The following UBE2D1 variants were observed in gnomAD, a reference collection of about 807,000 sequenced individuals.
UBE2D1 encodes ubiquitin-conjugating enzyme E2 D1.
UBE2D1 carries 9 observed loss-of-function variants against 24.6 expected under a neutral mutation model. That is an observed-to-expected ratio of 0.37 (90% CI 0.22 to 0.64). UBE2D1 has a LOEUF of 0.64. Ranked by LOEUF, UBE2D1 falls within the 30% of genes least tolerant of loss-of-function variation. UBE2D1 has a pLI of 0.64. For synonymous variants in UBE2D1, 57 were observed against 57.6 expected (o/e 0.99, Z 0.04); for missense variants, 87 against 177.1 (o/e 0.49, Z 2.89).
intron 1 of UBE2D1, among the ~76,000 whole-genome samples, chr10:58,347,760 G>C (rs1840032872): frequency 6.7e-6 from 1 of 148,492 alleles, no homozygotes; most frequent in African/African-American, 2.5e-5. Context: ...CGATTCTTCT[G>C]CCTCAGCCTC....
intron 5 of UBE2D1, among the ~76,000 whole-genome samples, chr10:58,365,690 G>A (rs557771377): frequency 9.2e-5 from 14 of 152,226 alleles, no homozygotes; most frequent in African/African-American, 3.1e-4. Flanking sequence ...TTTATGTCTT[G>A]TTTCTCTGAA....
chr10:58,349,399 T>C (rs895061335), intron 1 of UBE2D1, among the ~76,000 whole-genome samples: 5 of 152,186 alleles, frequency 3.3e-5, no homozygotes, highest in African/African-American at 9.7e-5. Flanking sequence ...AGCTTATTTT[T>C]GTCTCAAAGG....
At chr10:58,352,045 GA>G (rs892812903) in intron 1 of UBE2D1, among the ~76,000 whole-genome samples, 1 of 151,476 alleles carries the variant, frequency 6.6e-6, no homozygotes, top group Non-Finnish European at 1.5e-5. Flanking sequence ...ACCATCTATT[GA>G]AAAAAAACTT....
At chr10:58,344,926 A>G (rs897572637) in intron 1 of UBE2D1, among the ~76,000 whole-genome samples, 2 of 150,728 alleles carry the variant, frequency 1.3e-5, no homozygotes, top group Non-Finnish European at 2.9e-5. Context: ...CTGCAGTGGC[A>G]TGATCTCAGC....
intron 1 of UBE2D1, among the ~76,000 whole-genome samples, chr10:58,351,379 A>G (rs1377311092): frequency 2.6e-5 from 4 of 152,144 alleles, no homozygotes; most frequent in African/African-American, 4.8e-5. Context: ...TCCTTGTTCT[A>G]TAAGCTTCTA....
chr10:58,350,868 A>G lies in UBE2D1; in HGVS notation c.25-10470A>G, dbSNP rs1048623265. ...ACAAACCTAGATGGTACAGCCTACT[A>G]TACATCTAGGCTATATAGTGTAGTC... On this transcript the variant is annotated intron_variant, in intron 1 of 6. Coordinates refer to ENST00000373910, the MANE Select transcript of UBE2D1 (RefSeq NM_003338.5). Among the ~76,000 whole-genome samples, 3 of 152,318 alleles carry G rather than the reference A, an allele frequency of 2.0e-5. No individual in the cohort carries two copies. In the South Asian group the frequency reaches 6.2e-4, roughly 32 times the overall value.
chr10:58,347,805 G>A (rs1294307965), intron 1 of UBE2D1, among the ~76,000 whole-genome samples: 1 of 151,952 alleles, frequency 6.6e-6, no homozygotes, highest in Non-Finnish European at 1.5e-5. Context: ...GTGCCACCAA[G>A]CCTGGCTAAT....
At chr10:58,345,928 T>C (rs919493579) in intron 1 of UBE2D1, among the ~76,000 whole-genome samples, 11 of 152,102 alleles carry the variant, frequency 7.2e-5, no homozygotes, top group Admixed American at 2.0e-4. Context: ...TAGACAACCT[T>C]GAAGGCCTGT....
intron 1 of UBE2D1, among the ~76,000 whole-genome samples, 163 bp from the exon 2 acceptor site, chr10:58,361,175 T>C (rs974780230): frequency 2.6e-5 from 4 of 152,228 alleles, no homozygotes; most frequent in Non-Finnish European, 4.4e-5. Context: ...GAGTACCTTA[T>C]TCTTTCTACC....
At chr10:58,344,085 A>G (rs183252923) in intron 1 of UBE2D1, among the ~76,000 whole-genome samples, 89 of 152,332 alleles carry the variant, frequency 5.8e-4, no homozygotes, top group African/African-American at 2.0e-3. Context: ...CTTTAAACAC[A>G]ACGCTCCTGA....
At chr10:58,350,484 T>C (rs1206086982) in intron 1 of UBE2D1, among the ~76,000 whole-genome samples, 1 of 152,218 alleles carries the variant, frequency 6.6e-6, no homozygotes, top group Admixed American at 6.5e-5. Context: ...GGAATATCTT[T>C]TACATATTCT....
chr10:58,358,337 A>G (rs888942204), intron 1 of UBE2D1, among the ~76,000 whole-genome samples: 1 of 152,234 alleles, frequency 6.6e-6, no homozygotes, highest in Non-Finnish European at 1.5e-5. Flanking sequence ...AGAAAATTCA[A>G]CATGATGAAT....
chr10:58,353,031 C>T (rs1006213268), intron 1 of UBE2D1, among the ~76,000 whole-genome samples: 2 of 152,108 alleles, frequency 1.3e-5, no homozygotes, highest in Admixed American at 6.6e-5. Flanking sequence ...TTTCTAAGAA[C>T]CTAGAGGACC....
chr10:58,362,121 A>C (rs752825229), intron 3 of UBE2D1, among the ~76,000 whole-genome samples: 7 of 152,154 alleles, frequency 4.6e-5, no homozygotes, highest in Admixed American at 3.9e-4. Flanking sequence ...TATTTCTTTC[A>C]ATACTTTAGA....
intron 1 of UBE2D1, among the ~76,000 whole-genome samples, chr10:58,340,081 T>C (rs1020930291): frequency 2.6e-5 from 4 of 152,202 alleles, no homozygotes; most frequent in Non-Finnish European, 4.4e-5. Flanking sequence ...ATAGATCAAA[T>C]ATTGCTGACG....
At chr10:58,350,449 C>A (rs912686292) in intron 1 of UBE2D1, among the ~76,000 whole-genome samples, 1 of 152,066 alleles carries the variant, frequency 6.6e-6, no homozygotes. Context: ...TATGTTTAAG[C>A]TGCTTTTTAA....
rs1839925234 is a variant in UBE2D1, at chr10:58,338,343, T to G, written c.24+3118T>G. Among the ~76,000 whole-genome samples the G allele has an allele frequency of 2.0e-5, 3 of 152,352 alleles. No individual in the cohort carries two copies. The South Asian group carries it at 6.2e-4, about 32-fold the overall frequency. On this transcript the variant is annotated intron_variant, in intron 1 of 6. Coordinates refer to ENST00000373910, the MANE Select transcript of UBE2D1 (RefSeq NM_003338.5). ...TAGAATATACTAAATGATTTAATGC[T>G]CTGATTTAGTGTGCCAGTTTTGCAT...
At chr10:58,342,836 T>G (rs1434503459) in intron 1 of UBE2D1, among the ~76,000 whole-genome samples, 3 of 145,948 alleles carry the variant, frequency 2.1e-5, no homozygotes, top group South Asian at 2.2e-4. Flanking sequence ...TTTTTTTTGT[T>G]TTTTTTTTTT....
intron 3 of UBE2D1, among the ~76,000 whole-genome samples, chr10:58,362,193 GA>G (rs1840206530): frequency 6.6e-6 from 1 of 152,108 alleles, no homozygotes; most frequent in Non-Finnish European, 1.5e-5. Context: ...GATTGCATAA[GA>G]ATGAGCACTG....
Sources: allele counts gnomAD v4.1 joint callset (sites outside exome capture counted in the v4.1 genomes callset), GRCh38; gene constraint gnomAD v4.1.1; transcripts MANE v1.5; gene names NCBI Gene and HGNC (gene_info 2026-07-23, HGNC 2026-07-21).